P2RY12: variants seen among roughly 807,000 people sequenced by gnomAD.
The protein encoded by P2RY12 is P2Y purinoceptor 12.
Under a neutral mutation model 4.5 loss-of-function variants are expected in P2RY12, and 3 were observed. The ratio of observed to expected loss-of-function variants is 0.67; its 90% CI spans 0.31 to 1.74. The LOEUF is 1.74. Among genes scored for constraint, P2RY12 ranks in the 40% most tolerant of loss-of-function variants. The pLI is 0.09. For missense variants in P2RY12, 356 were observed against 407.8 expected (o/e 0.87, Z 1.09); for synonymous variants, 148 against 154.1 (o/e 0.96, Z 0.29).
Position 151,337,615 on chromosome 3 carries a change from A to G in P2RY12, c.*202T>C. 1 of 577,030 alleles carries G rather than the reference A, an allele frequency of 1.7e-6. No individual in the cohort carries two copies. The highest frequency in any genetic ancestry group is 3.0e-5 in the East Asian group (1 of 33,774). The allele number at this position is 577,030 out of a possible 1,614,324, so 35.7% of individuals were successfully genotyped here. A position where few individuals can be genotyped will look rare whatever the true frequency, so the allele number is the denominator to read the frequency against. On this transcript the variant is annotated 3_prime_UTR_variant, in exon 3 of 3. Coordinates refer to ENST00000302632, the MANE Select transcript of P2RY12 (RefSeq NM_022788.5). ...CGTTTGTTTTGCTGCTAATACAGCTACAGTTTAGATTAGTTTTCTATATTT... is the reference window on the plus strand; with the variant it reads ...CGTTTGTTTTGCTGCTAATACAGCTGCAGTTTAGATTAGTTTTCTATATTT...
At chr3:151,349,393 T>C (rs953429266) in intron 1 of P2RY12, among the ~76,000 whole-genome samples, 1 of 152,156 alleles carries the variant, frequency 6.6e-6, no homozygotes, top group Non-Finnish European at 1.5e-5. Flanking sequence ...CGCTTTATTG[T>C]TTTGTCTTTT....
At chr3:151,383,190 T>C (rs1393860497) in intron 1 of P2RY12, among the ~76,000 whole-genome samples, 1 of 152,248 alleles carries the variant, frequency 6.6e-6, no homozygotes, top group African/African-American at 2.4e-5. Context: ...TCTCACATAT[T>C]GTGCATTCCT....
intron 1 of P2RY12, among the ~76,000 whole-genome samples, chr3:151,350,535 A>G (rs1423451944): frequency 6.6e-6 from 1 of 152,172 alleles, no homozygotes; most frequent in African/African-American, 2.4e-5. Flanking sequence ...GTACTGAAGA[A>G]TGAGTTGAAA....
At chr3:151,357,810 A>G (rs1482730201) in intron 1 of P2RY12, among the ~76,000 whole-genome samples, 1 of 152,222 alleles carries the variant, frequency 6.6e-6, no homozygotes. Context: ...TTCTTTGATT[A>G]AAGATATCTT....
chr3:151,373,226 A>G (rs1392288962), intron 1 of P2RY12, among the ~76,000 whole-genome samples: 1 of 152,170 alleles, frequency 6.6e-6, no homozygotes, highest in Admixed American at 6.5e-5. Context: ...TTTCCTGTAG[A>G]TTAGCTTCAG....
chr3:151,357,883 C>T (rs926490286), intron 1 of P2RY12, among the ~76,000 whole-genome samples: 2 of 152,178 alleles, frequency 1.3e-5, no homozygotes, highest in Non-Finnish European at 2.9e-5. Flanking sequence ...GCTTACTCTA[C>T]TAATGAAGTT....
At chr3:151,345,859 G>A (rs922455175) in intron 1 of P2RY12, among the ~76,000 whole-genome samples, 1 of 152,082 alleles carries the variant, frequency 6.6e-6, no homozygotes, top group African/African-American at 2.4e-5. Context: ...AACAAATCTT[G>A]TAGGCTCTTG....
chr3:151,357,934 AG>A (rs1754126018), intron 1 of P2RY12, among the ~76,000 whole-genome samples: 1 of 152,206 alleles, frequency 6.6e-6, no homozygotes, highest in African/African-American at 2.4e-5. Context: ...TTAAAGACTG[AG>A]GCTAAGGCAC....
At chr3:151,377,788 T>G (rs1560100838) in intron 1 of P2RY12, among the ~76,000 whole-genome samples, 4 of 152,202 alleles carry the variant, frequency 2.6e-5, no homozygotes, top group Non-Finnish European at 5.9e-5. Flanking sequence ...AGTTACAATA[T>G]CCTTCCAGAA....
intron 1 of P2RY12, chr3:151,384,369 G>A (rs1405843514): frequency 2.9e-6 from 2 of 685,680 alleles, no homozygotes; most frequent in African/African-American, 1.9e-5. Context: ...AACCTTATTA[G>A]TACCCAGAAG....
chr3:151,359,479 T>C (rs1754346683), intron 1 of P2RY12, among the ~76,000 whole-genome samples: 1 of 152,128 alleles, frequency 6.6e-6, no homozygotes, highest in Non-Finnish European at 1.5e-5. Context: ...GTACCTGTGA[T>C]TCCATTGTCC....
At chr3:151,353,832 G>A (rs1400184774) in intron 1 of P2RY12, among the ~76,000 whole-genome samples, 1 of 152,138 alleles carries the variant, frequency 6.6e-6, no homozygotes, top group Non-Finnish European at 1.5e-5. Context: ...TGTCTTGGTA[G>A]CCTTTAACTA....
intron 1 of P2RY12, chr3:151,366,011 T>TA (rs1407806902): frequency 2.0e-6 from 3 of 1,532,330 alleles, no homozygotes; most frequent in Non-Finnish European, 2.6e-6. Context: ...CTTTTTCATT[T>TA]AAAAATTGAA....
rs1751108771 is a variant in P2RY12 at position 151,337,141 on chromosome 3, A to T, written c.*676T>A. On this transcript the variant is annotated 3_prime_UTR_variant, in exon 3 of 3. Transcript: ENST00000302632. ...ATATTTTTTAGTATTAGAATGTCAT[A>T]AAAGTAAGTCTCCTTATTTTAATGA... The T allele has an allele frequency of 6.6e-6, 1 of 152,118 alleles. No homozygotes were observed. The highest frequency in any genetic ancestry group is 6.6e-5 in the Admixed American group (1 of 15,258). The allele number at this position is 152,118 out of a possible 1,614,324, so 9.4% of individuals were successfully genotyped here.
intron 1 of P2RY12, chr3:151,376,361 C>T (rs1756854461): frequency 1.5e-6 from 1 of 645,172 alleles, no homozygotes; most frequent in African/African-American, 1.9e-5. Context: ...AATTGACATA[C>T]TTTATTTTTG....
chr3:151,379,373 T>G (rs753980895), intron 1 of P2RY12, among the ~76,000 whole-genome samples: 22 of 152,234 alleles, frequency 1.4e-4, no homozygotes, highest in Non-Finnish European at 2.9e-4. Context: ...TTTAAGAAAT[T>G]TGTCTTTCCA....
intron 1 of P2RY12, chr3:151,380,056 G>A: frequency 9.3e-7 from 1 of 1,076,738 alleles, no homozygotes; most frequent in Admixed American, 2.5e-5. Context: ...AATGTTGCCA[G>A]AGGAAGTAAT....
intron 1 of P2RY12, chr3:151,376,844 G>A (rs749419176): frequency 1.2e-6 from 2 of 1,614,054 alleles, no homozygotes; most frequent in Non-Finnish European, 8.5e-7. Context: ...TAGAACTCCA[G>A]CTAATGATCA....
At chr3:151,343,843 T>C (rs927893929) in intron 1 of P2RY12, among the ~76,000 whole-genome samples, 6 of 152,190 alleles carry the variant, frequency 3.9e-5, no homozygotes, top group African/African-American at 1.4e-4. Context: ...AAACCTGTAG[T>C]CTTTTGGAAC....
Sources: allele counts gnomAD v4.1 joint callset (sites outside exome capture counted in the v4.1 genomes callset), GRCh38; gene constraint gnomAD v4.1.1; transcripts MANE v1.5; gene names NCBI Gene and HGNC (gene_info 2026-07-23, HGNC 2026-07-21).